TBXAS1: variants seen among roughly 807,000 people sequenced by gnomAD.
TBXAS1 encodes the protein thromboxane A synthase 1, also known as thromboxane-A synthase.
Under a neutral mutation model 60.7 loss-of-function variants are expected in TBXAS1, and 48 were observed. The observed-to-expected ratio is 0.79, with a 90% confidence interval of 0.63 to 1.01. The LOEUF (loss-of-function observed/expected upper bound fraction) is 1.01. Ranked by LOEUF, TBXAS1 falls within the 50% of genes least tolerant of loss-of-function variation. The pLI is 0.00. For missense variants in TBXAS1, 685 were observed against 686.3 expected (o/e 1.00, Z 0.02); for synonymous variants, 287 against 269.7 (o/e 1.06, Z -0.63).
At chr7:139,847,974 A>G (rs982360665) in intron 1 of TBXAS1, among the ~76,000 whole-genome samples, 4 of 152,114 alleles carry the variant, frequency 2.6e-5, no homozygotes, top group Admixed American at 6.6e-5. Context: ...GACATGTGCC[A>G]CCATGCCCAG....
chr7:139,802,594 G>C (rs2116362084), intron 4 of TBXAS1, among the ~76,000 whole-genome samples: 2 of 152,298 alleles, frequency 1.3e-5, no homozygotes, highest in Middle Eastern at 6.8e-3. Context: ...AGACCAACCT[G>C]GCCAACATGG....
intron 1 of TBXAS1, among the ~76,000 whole-genome samples, chr7:139,833,095 G>A (rs1222171582): frequency 6.6e-6 from 1 of 151,978 alleles, no homozygotes; most frequent in African/African-American, 2.4e-5. Context: ...AAAAACCAAA[G>A]TACAGAGGCA....
At chr7:139,935,448 C>A (rs905353830) in intron 4 of TBXAS1, among the ~76,000 whole-genome samples, 5 of 152,096 alleles carry the variant, frequency 3.3e-5, no homozygotes, top group Admixed American at 3.3e-4. Context: ...TTGGTTGAAT[C>A]CACAGATGCA....
chr7:139,968,680 T>C (rs949274917), intron 9 of TBXAS1, among the ~76,000 whole-genome samples: 9 of 152,256 alleles, frequency 5.9e-5, no homozygotes, highest in Non-Finnish European at 1.0e-4. Context: ...TTGGGAATTT[T>C]ATCTGGCCTC....
intron 1 of TBXAS1, among the ~76,000 whole-genome samples, chr7:139,779,679 A>G (rs961932384): frequency 1.3e-5 from 2 of 152,186 alleles, no homozygotes; most frequent in Non-Finnish European, 2.9e-5. Flanking sequence ...AAATATTGCC[A>G]TCTTCATAAT....
chr7:139,782,190 A>G (rs1797023102), intron 2 of TBXAS1, among the ~76,000 whole-genome samples: 1 of 145,170 alleles, frequency 6.9e-6, no homozygotes, highest in South Asian at 2.1e-4. Context: ...TTAATCAATC[A>G]TTTAAAAAAA....
intron 4 of TBXAS1, chr7:139,797,491 G>A (rs1797603662): frequency 6.6e-6 from 1 of 152,206 alleles, no homozygotes; most frequent in East Asian, 1.9e-4. Flanking sequence ...TTGGAATGAA[G>A]CATTGCAAAG....
intron 9 of TBXAS1, among the ~76,000 whole-genome samples, chr7:139,973,559 T>C (rs933723578): frequency 2.0e-5 from 3 of 151,458 alleles, no homozygotes; most frequent in African/African-American, 7.3e-5. Context: ...AGCTTTCTTT[T>C]TTTTTTTTTT....
intron 1 of TBXAS1, among the ~76,000 whole-genome samples, chr7:139,867,550 G>T (rs1274693607): frequency 2.0e-5 from 3 of 152,202 alleles, no homozygotes; most frequent in Admixed American, 1.3e-4. Context: ...GGGCACGGTG[G>T]TTCACACACT....
chr7:139,967,004 T>G (rs1416993581), intron 9 of TBXAS1, among the ~76,000 whole-genome samples: 1 of 152,172 alleles, frequency 6.6e-6, no homozygotes, highest in Admixed American at 6.5e-5. Flanking sequence ...ATGCAAGACG[T>G]ATTCGGAGGG....
intron 10 of TBXAS1, among the ~76,000 whole-genome samples, chr7:140,015,242 G>A (rs2116453730): frequency 6.6e-6 from 1 of 152,268 alleles, no homozygotes; most frequent in African/African-American, 2.4e-5. Flanking sequence ...CAGATGCCAG[G>A]CAGCAGGGCT....
intron 9 of TBXAS1, among the ~76,000 whole-genome samples, chr7:139,993,211 C>T (rs939929778): frequency 1.3e-5 from 2 of 152,050 alleles, no homozygotes; most frequent in African/African-American, 2.4e-5. Context: ...CATATCATCA[C>T]GAGGTCCCCA....
chr7:139,878,835 AAT>A (rs1408441213), intron 3 of TBXAS1, among the ~76,000 whole-genome samples: 1 of 152,184 alleles, frequency 6.6e-6, no homozygotes, highest in African/African-American at 2.4e-5. Context: ...TCTTCTTAAA[AAT>A]TGAAATAATA....
At chr7:139,936,807 G>A (rs1807833059) in intron 5 of TBXAS1, among the ~76,000 whole-genome samples, 1 of 152,194 alleles carries the variant, frequency 6.6e-6, no homozygotes, top group Non-Finnish European at 1.5e-5. Context: ...AAACAAAGGT[G>A]ACCTACCAAT....
intron 7 of TBXAS1, among the ~76,000 whole-genome samples, chr7:139,956,254 CT>C (rs1809858899): frequency 6.6e-6 from 1 of 152,178 alleles, no homozygotes; most frequent in Admixed American, 6.5e-5. Flanking sequence ...TCAAGCGATT[CT>C]CCTGCCTCAG....
rs562765695 is a variant in TBXAS1, at chr7:139,945,707, G to A, written c.451-7661G>A. On this transcript the variant is annotated intron_variant, in intron 5 of 12. Coordinates refer to ENST00000448866, the MANE Select transcript of TBXAS1 (RefSeq NM_001061.7). ...TGTAACAAAATTACCCCAAAACTTA[G>A]TGGCTTAAAACAAACTTTTGTTAGC... 3.3e-5 allele frequency among the ~76,000 whole-genome samples: 5 copies of A among 152,300 alleles called. No homozygotes were observed. In the East Asian group the frequency reaches 9.6e-4, roughly 29 times the overall value.
chr7:139,811,382 A>C (rs1288615581), intron 4 of TBXAS1, among the ~76,000 whole-genome samples: 1 of 152,242 alleles, frequency 6.6e-6, no homozygotes, highest in Non-Finnish European at 1.5e-5. Flanking sequence ...CTGTGCTTAC[A>C]ATTAGTCTGA....
At chr7:139,906,029 G>C (rs1805048882) in intron 3 of TBXAS1, 1 of 331,040 alleles carries the variant, frequency 3.0e-6, no homozygotes, top group Non-Finnish European at 5.9e-6. Context: ...CATAAGGTAT[G>C]AGGTTCATAT....
At chr7:139,861,370 A>T (rs1044540451) in intron 1 of TBXAS1, among the ~76,000 whole-genome samples, 47 of 150,918 alleles carry the variant, frequency 3.1e-4, no homozygotes, top group Admixed American at 2.7e-3. Context: ...AGTAGTTAGT[A>T]CTACAGGCAT....
Sources: allele counts gnomAD v4.1 joint callset (sites outside exome capture counted in the v4.1 genomes callset), GRCh38; gene constraint gnomAD v4.1.1; transcripts MANE v1.5; gene names NCBI Gene and HGNC (gene_info 2026-07-23, HGNC 2026-07-21).